Variants in CACNA1E observed in about 807,000 individuals in gnomAD.
CACNA1E encodes voltage-dependent R-type calcium channel subunit alpha-1E.
CACNA1E carries 40 observed loss-of-function variants against 259.2 expected under a neutral mutation model. The ratio of observed to expected loss-of-function variants is 0.15; its 90% CI spans 0.12 to 0.20. CACNA1E has a LOEUF of 0.20. CACNA1E is among the 10% of genes least tolerant of loss of function. The pLI is 1.00. For missense variants in CACNA1E, 1,874 were observed against 3,040.1 expected (o/e 0.62, Z 9.02); for synonymous variants, 1,104 against 1,138.5 (o/e 0.97, Z 0.61).
intron 3 of CACNA1E, among the ~76,000 whole-genome samples, chr1:181,559,532 GC>G (rs376695565): frequency 3.5e-4 from 53 of 152,312 alleles, no homozygotes; most frequent in African/African-American, 1.2e-3. Flanking sequence ...AAGAGGAGTA[GC>G]CAAAGGAGAA....
At chr1:181,446,089 T>C (rs1041691894) in intron 2 of CACNA1E, among the ~76,000 whole-genome samples, 2 of 152,256 alleles carry the variant, frequency 1.3e-5, no homozygotes, top group African/African-American at 4.8e-5. Flanking sequence ...GGCTGGCTTC[T>C]TCTATGCTCA....
intron 7 of CACNA1E, among the ~76,000 whole-genome samples, chr1:181,656,706 C>T (rs1000500908): frequency 1.3e-5 from 2 of 152,130 alleles, no homozygotes; most frequent in South Asian, 2.1e-4. Context: ...TCTGACTCAC[C>T]CAGAGCAACT....
intron 7 of CACNA1E, among the ~76,000 whole-genome samples, chr1:181,671,668 T>G (rs1264735450): frequency 6.6e-6 from 1 of 152,208 alleles, no homozygotes; most frequent in East Asian, 1.9e-4. Flanking sequence ...ATGATGCTTG[T>G]GTTTCTCTAG....
At chr1:181,544,400 TAAA>T (rs5779107) in intron 3 of CACNA1E, among the ~76,000 whole-genome samples, 6 of 148,600 alleles carry the variant, frequency 4.0e-5, no homozygotes, top group African/African-American at 7.4e-5. Context: ...CTGAATATAC[TAAA>T]AAAAAAAACC....
chr1:181,568,016 T>G (rs1198430588), intron 3 of CACNA1E, among the ~76,000 whole-genome samples: 1 of 152,214 alleles, frequency 6.6e-6, no homozygotes, highest in Non-Finnish European at 1.5e-5. Context: ...TAATGTAGGC[T>G]ATGATCAAAA....
intron 3 of CACNA1E, among the ~76,000 whole-genome samples, chr1:181,541,578 C>T (rs1668584862): frequency 6.6e-6 from 1 of 152,152 alleles, no homozygotes. Context: ...TGAACAGTTC[C>T]AGTCCTATGT....
At chr1:181,511,020 A>G (rs909925962) in intron 2 of CACNA1E, among the ~76,000 whole-genome samples, 11 of 152,234 alleles carry the variant, frequency 7.2e-5, no homozygotes. Context: ...ACTGCCTAAA[A>G]TTCACGTGTG....
At chr1:181,725,691 C>T (rs1654840464) in intron 17 of CACNA1E, among the ~76,000 whole-genome samples, 1 of 152,248 alleles carries the variant, frequency 6.6e-6, no homozygotes, top group South Asian at 2.1e-4. Context: ...TGCTCCATCA[C>T]TTCCAGACAC....
intron 1 of CACNA1E, among the ~76,000 whole-genome samples, chr1:181,362,339 C>A (rs1030231239): frequency 6.6e-6 from 1 of 152,180 alleles, no homozygotes; most frequent in African/African-American, 2.4e-5. Flanking sequence ...TGTGTGAGTC[C>A]TTTCTGCTGT....
chr1:181,728,932 C>T (rs1395392604), intron 18 of CACNA1E, among the ~76,000 whole-genome samples: 2 of 71,320 alleles, frequency 2.8e-5, no homozygotes, highest in Non-Finnish European at 5.5e-5. Context: ...GAACATTGCT[C>T]AGGTGTGTGT....
At chr1:181,551,888 C>T (rs776813797) in intron 3 of CACNA1E, among the ~76,000 whole-genome samples, 1 of 124,696 alleles carries the variant, frequency 8.0e-6, no homozygotes, top group Non-Finnish European at 1.7e-5. Flanking sequence ...ATCTTTCCTT[C>T]CCCCCTCCTT....
chr1:181,719,940 C>T, intron 13 of CACNA1E, 77 bp downstream of exon 13: 1 of 879,148 alleles, frequency 1.1e-6, no homozygotes, highest in Non-Finnish European at 1.8e-6. Flanking sequence ...TTTCTTCCAT[C>T]TTCTCTTTCC....
chr1:181,754,829 C>A (rs575812796), intron 27 of CACNA1E, among the ~76,000 whole-genome samples: 8 of 152,174 alleles, frequency 5.3e-5, no homozygotes, highest in Non-Finnish European at 1.2e-4. Flanking sequence ...AATCTAAGAA[C>A]GTCACCAAAT....
intron 3 of CACNA1E, among the ~76,000 whole-genome samples, chr1:181,548,129 C>CTTTTTTTTCTTTTTTTTTTTT (rs537628921): frequency 7.5e-6 from 1 of 133,390 alleles, no homozygotes; most frequent in Non-Finnish European, 1.5e-5. Context: ...CTTTTTTTTT[C>CTTTTTTTTCTTTTTTTTTTTT]TTTTTTTTTT....
intron 1 of CACNA1E, among the ~76,000 whole-genome samples, chr1:181,338,298 C>T (rs1313111956): frequency 2.0e-5 from 3 of 152,138 alleles, no homozygotes; most frequent in African/African-American, 7.2e-5. Flanking sequence ...GTTGGCCAGG[C>T]TGGTCTTGAA....
intron 1 of CACNA1E, among the ~76,000 whole-genome samples, chr1:181,489,177 T>C (rs1188644398): frequency 3.3e-5 from 5 of 152,196 alleles, no homozygotes; most frequent in Non-Finnish European, 7.3e-5. Context: ...TGCTTATCAC[T>C]GACCACAAAG....
At chr1:181,788,521 G>T (rs1454105278) in intron 43 of CACNA1E, among the ~76,000 whole-genome samples, 1 of 152,180 alleles carries the variant, frequency 6.6e-6, no homozygotes, top group Non-Finnish European at 1.5e-5. Flanking sequence ...AGAGTGGTAG[G>T]GGAGTTGGAG....
intron 1 of CACNA1E, among the ~76,000 whole-genome samples, chr1:181,488,847 C>A (rs1298864486): frequency 1.3e-5 from 2 of 152,094 alleles, no homozygotes; most frequent in Admixed American, 6.5e-5. Flanking sequence ...TTATTAGCTC[C>A]ATCCAAAATT....
At chr1:181,666,998 G>T (rs755775882) in intron 7 of CACNA1E, among the ~76,000 whole-genome samples, 2 of 151,982 alleles carry the variant, frequency 1.3e-5, no homozygotes, top group Non-Finnish European at 2.9e-5. Context: ...CAAGGGAGAA[G>T]ACCTTTCTAA....
Sources: gnomAD v4.1 joint callset for allele counts (sites outside exome capture counted in the v4.1 genomes callset) on GRCh38, gnomAD v4.1.1 for gene constraint, MANE v1.5 for transcripts, NCBI Gene and HGNC (gene_info 2026-07-23, HGNC 2026-07-21) for gene names.